Variants in TFAP2D observed in about 807,000 individuals in gnomAD.
TFAP2D encodes transcription factor AP-2-delta.
TFAP2D carries 9 observed loss-of-function variants against 43.6 expected under a neutral mutation model. The observed-to-expected ratio is 0.21, with a 90% confidence interval of 0.12 to 0.36. The LOEUF is 0.36. Among genes scored for constraint, TFAP2D ranks in the 10% least tolerant of loss-of-function variants. The probability of loss-of-function intolerance (pLI) is 1.00; values close to 1 mark genes in which losing one functional copy is unlikely to be tolerated. For missense variants in TFAP2D, 513 were observed against 561.4 expected (o/e 0.91, Z 0.87); for synonymous variants, 256 against 224.9 (o/e 1.14, Z -1.24).
chr6:50,760,335 A>G (rs1581777457), intron 7 of TFAP2D, among the ~76,000 whole-genome samples: 1 of 152,180 alleles, frequency 6.6e-6, no homozygotes, highest in Admixed American at 6.6e-5. Flanking sequence ...CTGCATTTAA[A>G]TGGAATGAGG....
At position 50,772,787 on chromosome 6, in the gene TFAP2D, G is replaced by A. The variant is rs761924447; in HGVS notation, c.1282G>A (p.Ala428Thr). Residue 428 changes from alanine to threonine, a missense_variant, in exon 8 of 8, where the codon GCC becomes ACC. Transcript: ENST00000008391. ...AGCGGCGGATTCTGGCCAAGGACAT[G>A]CCAACTCGGAGAAAGCTCCCCTGCG... ...GGAADSGQGH[A>T]NSEKAPLRKT... The A allele has an allele frequency of 6.2e-7, 1 of 1,613,950 alleles. No individual in the cohort carries two copies. The highest frequency in any genetic ancestry group is 1.3e-5 in the African/African-American group (1 of 74,884).
chr6:50,761,374 T>C (rs755599078), intron 7 of TFAP2D, among the ~76,000 whole-genome samples: 9 of 151,982 alleles, frequency 5.9e-5, no homozygotes, highest in Non-Finnish European at 7.4e-5. Flanking sequence ...TTCTAGTTTG[T>C]AGCATGATAG....
chr6:50,770,116 T>C (rs907201254), intron 7 of TFAP2D, among the ~76,000 whole-genome samples: 1 of 152,204 alleles, frequency 6.6e-6, no homozygotes, highest in African/African-American at 2.4e-5. Flanking sequence ...TGGACATTAA[T>C]GGTTGGCTTT....
At chr6:50,726,577 G>T (rs1248573907) in intron 3 of TFAP2D, among the ~76,000 whole-genome samples, 1 of 152,128 alleles carries the variant, frequency 6.6e-6, no homozygotes, top group Non-Finnish European at 1.5e-5. Flanking sequence ...TGTGAATTTT[G>T]CATAAAGACA....
In TFAP2D at chr6:50,757,490, TAATATATATAATTATTCTATATATAG is replaced by T. The variant is rs1769292692; in HGVS notation, c.1139+6171_1139+6196del. ...TATATATAATTATTCTATATATATA[TAATATATATAATTATTCTATATATAG>T]AATACATATAATTATTCTATATATA... On this transcript the variant is annotated intron_variant, in intron 7 of 7. Coordinates refer to ENST00000008391, the MANE Select transcript of TFAP2D (RefSeq NM_172238.4). Among the ~76,000 whole-genome samples the T allele has an allele frequency of 8.9e-5, 7 of 78,692 alleles. 1 individual carries two copies. The highest frequency in any genetic ancestry group is 2.7e-4 in the African/African-American group (5 of 18,208). The allele number at this position is 78,692 out of a possible 152,430, so 51.6% of individuals were successfully genotyped here. A position where few individuals can be genotyped will look rare whatever the true frequency, so the allele number is the denominator to read the frequency against.
chr6:50,715,628 A>G lies in TFAP2D; in HGVS notation c.537+15A>G, dbSNP rs1444702652. The G allele has an allele frequency of 1.3e-6, 2 of 1,579,162 alleles. No individual in the cohort carries two copies. The highest frequency in any genetic ancestry group is 1.7e-6 in the Non-Finnish European group (2 of 1,162,908). ...ACGACTTGCAGGTAAATAAGCATGC[A>G]GCGAATTTGTCTGCTCCCTCCCCTC... On this transcript the variant is annotated intron_variant, in intron 2 of 7. Transcript: ENST00000008391.
rs377031232 is a variant in TFAP2D, at chr6:50,753,171, A to G, written c.1139+1847A>G. Among the ~76,000 whole-genome samples the G allele has an allele frequency of 3.9e-5, 6 of 152,052 alleles. No individual in the cohort carries two copies. The East Asian group carries it at 1.2e-3, about 29-fold the overall frequency. On this transcript the variant is annotated intron_variant, in intron 7 of 7. Coordinates refer to ENST00000008391, the MANE Select transcript of TFAP2D (RefSeq NM_172238.4). ...TCATTGAGGTTTGATTCCGGATTTA[A>G]AGAAGTGTGTTAAATGACAATTTTA...
chr6:50,756,258 T>C (rs1403050216), intron 7 of TFAP2D, among the ~76,000 whole-genome samples: 1 of 152,078 alleles, frequency 6.6e-6, no homozygotes, highest in East Asian at 1.9e-4. Flanking sequence ...GAAGGAGACA[T>C]ATCACATCTG....
chr6:50,724,503 G>A (rs992402006), intron 3 of TFAP2D, among the ~76,000 whole-genome samples: 1 of 152,190 alleles, frequency 6.6e-6, no homozygotes, highest in African/African-American at 2.4e-5. Context: ...CCAGCGCCCG[G>A]AAGCCCGCTA....
intron 7 of TFAP2D, among the ~76,000 whole-genome samples, chr6:50,753,014 T>C (rs1769219308): frequency 6.6e-6 from 1 of 151,932 alleles, no homozygotes; most frequent in Non-Finnish European, 1.5e-5. Context: ...ACGTATCATT[T>C]ACCTTCACCA....
At chr6:50,753,064 A>G (rs1285521013) in intron 7 of TFAP2D, among the ~76,000 whole-genome samples, 1 of 151,922 alleles carries the variant, frequency 6.6e-6, no homozygotes, top group African/African-American at 2.4e-5. Flanking sequence ...TTACATCTAC[A>G]CAAATATTTT....
In TFAP2D at chr6:50,773,020, A is replaced by T; in HGVS notation, c.*156A>T. 1 of 723,044 alleles carries T rather than the reference A, an allele frequency of 1.4e-6. No homozygotes were observed. The highest frequency in any genetic ancestry group is 1.8e-5 in the African/African-American group (1 of 56,272). The allele number at this position is 723,044 out of a possible 1,614,324, so 44.8% of individuals were successfully genotyped here. On this transcript the variant is annotated 3_prime_UTR_variant, in exon 8 of 8. Coordinates refer to ENST00000008391, the MANE Select transcript of TFAP2D (RefSeq NM_172238.4). ...AAATGGAAATGAAAAATGAAACAAA[A>T]AAGGACAAAACCAAAAAAAAAAGAA...
intron 7 of TFAP2D, among the ~76,000 whole-genome samples, chr6:50,752,221 T>C (rs1480071973): frequency 1.3e-5 from 2 of 151,868 alleles, no homozygotes; most frequent in African/African-American, 2.4e-5. Context: ...ATAATAATAA[T>C]AAAATTTAAA....
intron 5 of TFAP2D, among the ~76,000 whole-genome samples, chr6:50,744,015 C>T (rs1744233513): frequency 6.6e-6 from 1 of 152,086 alleles, no homozygotes. Context: ...TGAGTAGATG[C>T]TTAGTATTAA....
Position 50,751,270 on chromosome 6 carries a change from C to T in TFAP2D, c.1085C>T (p.Ser362Phe), listed in dbSNP as rs757629349. The change falls in exon 7 of 8, where the codon TCC becomes TTC. Residue 362 changes from serine to phenylalanine, a missense_variant. Ser to Phe is a radical substitution (Grantham distance 155). Transcript: ENST00000008391. ...CAAGATAGATCACCACTGGGATCCT[C>T]CAGACCCACTCCAATTCTAGACCTT... ...LSQDRSPLGSSRPTPILDLDI... is the reference protein window; with the variant it reads ...LSQDRSPLGSFRPTPILDLDI... 1.2e-6 allele frequency: 2 copies of T among 1,611,694 alleles called. No individual in the cohort carries two copies. The highest frequency in any genetic ancestry group is 1.7e-6 in the Non-Finnish European group (2 of 1,178,398).
intron 5 of TFAP2D, among the ~76,000 whole-genome samples, chr6:50,743,054 C>T (rs928626617): frequency 1.1e-4 from 17 of 151,726 alleles, no homozygotes; most frequent in African/African-American, 3.9e-4. Context: ...AACTGTGACC[C>T]CCCATTAAAC....
intron 5 of TFAP2D, among the ~76,000 whole-genome samples, chr6:50,729,680 A>ACATGATCT (rs1287144451): frequency 6.6e-6 from 1 of 152,154 alleles, no homozygotes; most frequent in Non-Finnish European, 1.5e-5. Flanking sequence ...ATTCAGTACA[A>ACATGATCT]CATGATCTAC....
At position 50,772,764 on chromosome 6, in the gene TFAP2D, C is replaced by G. The variant is rs373515669; in HGVS notation, c.1259C>G (p.Ala420Gly). The G allele has an allele frequency of 4.3e-6, 7 of 1,613,922 alleles. No homozygotes were observed. The highest frequency in any genetic ancestry group is 3.3e-5 in the Admixed American group (2 of 59,982). The change falls in exon 8 of 8, where the codon GCG (alanine) becomes GGG (glycine). Residue 420 changes from alanine (A) to glycine (G), a missense_variant. This residue lies in a region of TFAP2D where 199 missense variants were observed against 227.9 expected (regional missense o/e 0.87). Coordinates refer to ENST00000008391, the MANE Select transcript of TFAP2D (RefSeq NM_172238.4). Reference sequence around the variant, plus strand: ...CACACTACTCACAAGAACGGCGGAGCGGCGGATTCTGGCCAAGGACATGCC... The same window carrying G: ...CACACTACTCACAAGAACGGCGGAGGGGCGGATTCTGGCCAAGGACATGCC... Reference protein sequence around the residue: ...EKHTTHKNGGAADSGQGHANS... With the variant: ...EKHTTHKNGGGADSGQGHANS...
intron 5 of TFAP2D, among the ~76,000 whole-genome samples, chr6:50,741,798 G>A (rs1180780373): frequency 6.6e-6 from 1 of 151,422 alleles, no homozygotes; most frequent in Non-Finnish European, 1.5e-5. Context: ...GAACAAGGGT[G>A]TTCTACTTCT....
Sources: gnomAD v4.1 joint callset for allele counts (sites outside exome capture counted in the v4.1 genomes callset) on GRCh38, gnomAD v4.1.1 for gene constraint, gnomAD v4.1.1 regional missense constraint, MANE v1.5 for transcripts, NCBI Gene and HGNC (gene_info 2026-07-23, HGNC 2026-07-21) for gene names.